The following AMACR variants were observed in gnomAD, a reference collection of about 807,000 sequenced individuals.
The protein encoded by AMACR is 2-methylacyl-CoA racemase.
AMACR carries 18 observed loss-of-function variants against 22.2 expected under a neutral mutation model. That is an observed-to-expected ratio of 0.81 (90% CI 0.56 to 1.20). The LOEUF (loss-of-function observed/expected upper bound fraction) is 1.20. Among genes scored for constraint, AMACR ranks in the 50% most tolerant of loss-of-function variants. The pLI is 0.00. For synonymous variants in AMACR, 213 were observed against 191.3 expected, an observed-to-expected ratio of 1.11 and a Z score of -0.94; for missense variants, 499 against 490.6, an observed-to-expected ratio of 1.02 and a Z score of -0.16.
chr5:33,994,906 T>C (rs1212342392), intron 4 of AMACR, among the ~76,000 whole-genome samples: 2 of 152,168 alleles, frequency 1.3e-5, no homozygotes, highest in African/African-American at 2.4e-5. Context: ...GGCTCATTCA[T>C]TGAGGTGAAG....
intron 2 of AMACR, 147 bp from the exon 3 acceptor site, chr5:34,004,881 TAGTC>T: frequency 2.1e-6 from 2 of 953,974 alleles, no homozygotes; most frequent in Non-Finnish European, 1.6e-6. Context: ...AATCTGAGCT[TAGTC>T]AGTAAACTCA....
Position 33,989,205 on chromosome 5 carries a change from A to G in AMACR, c.1037T>C (p.Ile346Thr), listed in dbSNP as rs756743141. Reference protein sequence around the residue: ...AIPSFKRDPFIGEHTEEILEE... With the variant: ...AIPSFKRDPFTGEHTEEILEE... Reference sequence around the variant, plus strand: ...AAGTATCTCCTCAGTGTGTTCTCCTATGAAAGGATCCCTTTTGAAAGAAGG... The same window carrying G: ...AAGTATCTCCTCAGTGTGTTCTCCTGTGAAAGGATCCCTTTTGAAAGAAGG... The change falls in exon 5 of 5, where the codon ATA becomes ACA. Residue 346 changes from isoleucine (I) to threonine (T), a missense_variant. Coordinates refer to ENST00000335606, the MANE Select transcript of AMACR (RefSeq NM_014324.6). 1 of 1,614,154 alleles carries G rather than the reference A, an allele frequency of 6.2e-7. No individual in the cohort carries two copies. The highest frequency in any genetic ancestry group is 1.1e-5 in the South Asian group (1 of 91,084).
At chr5:34,000,675 C>T (rs1274218825) in intron 3 of AMACR, among the ~76,000 whole-genome samples, 1 of 151,958 alleles carries the variant, frequency 6.6e-6, no homozygotes, top group Non-Finnish European at 1.5e-5. Flanking sequence ...TGCGTAAAAA[C>T]TATGGATATT....
Position 33,987,240 on chromosome 5 carries a change from C to A in AMACR, c.*1853G>T. On this transcript the variant is annotated 3_prime_UTR_variant, in exon 5 of 5. Transcript: ENST00000335606. ...CCAGCCAAGTTCCCCAGGCTGGTCT[C>A]GAACTCTTGGCCTCAAGTGATCCTC... 1 of 152,630 alleles carries A rather than the reference C, an allele frequency of 6.6e-6. No individual in the cohort carries two copies. The highest frequency in any genetic ancestry group is 1.9e-4 in the South Asian group (1 of 5,160). The allele number at this position is 152,630 out of a possible 1,614,324, so 9.5% of individuals were successfully genotyped here. A position where few individuals can be genotyped will look rare whatever the true frequency, so the allele number is the denominator to read the frequency against.
Position 34,007,661 on chromosome 5 carries a change from G to A in AMACR, c.247+112C>T, listed in dbSNP as rs1196601373. 4.3e-6 allele frequency: 6 copies of A among 1,395,550 alleles called. No individual in the cohort carries two copies. In the East Asian group the frequency reaches 7.8e-5, roughly 18 times the overall value. 86.4% of individuals were successfully genotyped at this position (1,395,550 alleles called of 1,614,324 possible). A position where few individuals can be genotyped will look rare whatever the true frequency, so the allele number is the denominator to read the frequency against. ...AAATCTGGAAGGCTGGGGCCGACAA[G>A]GGTTCTTGCGGCAACAGGGCAAAGG... On this transcript the variant is annotated intron_variant, in intron 1 of 4. Coordinates refer to ENST00000335606, the MANE Select transcript of AMACR (RefSeq NM_014324.6).
At chr5:34,004,205 T>A (rs760757103) in intron 3 of AMACR, among the ~76,000 whole-genome samples, 11 of 152,220 alleles carry the variant, frequency 7.2e-5, no homozygotes, top group African/African-American at 1.9e-4. Context: ...TTTTTTTGAA[T>A]GACGACTGCT....
intron 3 of AMACR, among the ~76,000 whole-genome samples, chr5:34,002,921 A>C (rs1374794581): frequency 1.3e-5 from 2 of 152,192 alleles, no homozygotes; most frequent in Non-Finnish European, 2.9e-5. Flanking sequence ...AGGGCTGGTC[A>C]TGATTCACCA....
chr5:34,007,512 G>A (rs1754020037), intron 1 of AMACR, among the ~76,000 whole-genome samples: 1 of 152,038 alleles, frequency 6.6e-6, no homozygotes, highest in African/African-American at 2.4e-5. Context: ...AGAAAAAAAA[G>A]GAGGAATTTG....
At position 33,988,099 on chromosome 5, in the gene AMACR, C is replaced by T. The variant is rs1753350438; in HGVS notation, c.*994G>A. The stretch of plus-strand genomic sequence containing the variant: ...CTACCCAACATCCATTCTCTACTCC[C>T]TCTACTCTGATGGCACCCGGATTAG... On this transcript the variant is annotated 3_prime_UTR_variant, in exon 5 of 5. Coordinates refer to ENST00000335606, the MANE Select transcript of AMACR (RefSeq NM_014324.6). The T allele has an allele frequency of 4.0e-6, 2 of 496,742 alleles. No individual in the cohort carries two copies. Among genetic ancestry groups the T allele is most frequent in the Admixed American group, 3.3e-5 (1 of 30,390 alleles). The allele number at this position is 496,742 out of a possible 1,614,324, so 30.8% of individuals were successfully genotyped here.
chr5:34,005,191 C>G (rs1220822809), intron 2 of AMACR, among the ~76,000 whole-genome samples: 4 of 152,200 alleles, frequency 2.6e-5, no homozygotes, highest in African/African-American at 9.7e-5. Context: ...CACAGAAAAT[C>G]TGAAATGTCC....
At chr5:33,998,203 C>T (rs1379881786) in intron 4 of AMACR, among the ~76,000 whole-genome samples, 1 of 152,198 alleles carries the variant, frequency 6.6e-6, no homozygotes, top group Non-Finnish European at 1.5e-5. Flanking sequence ...CTAACAGAAT[C>T]TCATTTGGCA....
Position 33,988,209 on chromosome 5 carries a change from C to A in AMACR, c.*884G>T. ...GGAGCAGGCTGGTTTTATGTAAAGA[C>A]AATCCCGTCTTCTTTGTCAAAGACA... On this transcript the variant is annotated 3_prime_UTR_variant, in exon 5 of 5. Transcript: ENST00000335606. 1.8e-6 allele frequency: 2 copies of A among 1,124,514 alleles called. No individual in the cohort carries two copies. Among genetic ancestry groups the A allele is most frequent in the Non-Finnish European group, 2.5e-6 (2 of 797,582 alleles). The allele number at this position is 1,124,514 out of a possible 1,614,324, so 69.7% of individuals were successfully genotyped here. A position where few individuals can be genotyped will look rare whatever the true frequency, so the allele number is the denominator to read the frequency against.
At position 33,988,382 on chromosome 5, in the gene AMACR, T is replaced by G. The variant is rs1307190078; in HGVS notation, c.*711A>C. On this transcript the variant is annotated 3_prime_UTR_variant, in exon 5 of 5. Coordinates refer to ENST00000335606, the MANE Select transcript of AMACR (RefSeq NM_014324.6). ...CCAGCCTGAGGAGAAATCAAACACA[T>G]GGAGAAAGGAAAGCTGACAGCCCAG... The G allele has an allele frequency of 6.5e-7, 1 of 1,538,310 alleles. No homozygotes were observed. The highest frequency in any genetic ancestry group is 8.7e-7 in the Non-Finnish European group (1 of 1,147,498).
At chr5:34,004,759 T>C (rs372260537) in intron 2 of AMACR, 25 bp from the exon 3 acceptor site, 20 of 1,610,690 alleles carry the variant, frequency 1.2e-5, no homozygotes, top group Non-Finnish European at 1.6e-5. Context: ...ACAAATTTAA[T>C]GTCTCTTTTA....
chr5:34,007,976 GC>G lies in AMACR; in HGVS notation c.43del (p.Ala15ProfsTer29), dbSNP rs972992645. On this transcript the variant is annotated frameshift_variant, in exon 1 of 5. Coordinates refer to ENST00000335606, the MANE Select transcript of AMACR (RefSeq NM_014324.6). LOFTEE classifies it high-confidence loss of function. ...GACCATAGCACAGAACGGGCCCGGG[GC>G]CAGGCCGGACAGCTCCACGACCGAG... The part of the protein sequence containing the change: ...GISVVELSGL[A>X]PGPFCAMVLA... The G allele has an allele frequency of 5.6e-6, 9 of 1,611,484 alleles. No individual in the cohort carries two copies. Among genetic ancestry groups the G allele is most frequent in the Non-Finnish European group, 6.8e-6 (8 of 1,179,654 alleles).
Position 33,988,626 on chromosome 5 carries a change from T to C in AMACR, c.*467A>G. Reference sequence around the variant, plus strand: ...AGTTTGGAATGTGCTTAGAGGGAGATCATGAACACCAAGACAAAAGGCCTG... The same window carrying C: ...AGTTTGGAATGTGCTTAGAGGGAGACCATGAACACCAAGACAAAAGGCCTG... On this transcript the variant is annotated 3_prime_UTR_variant, in exon 5 of 5. Transcript: ENST00000335606. The C allele has an allele frequency of 1.6e-6, 2 of 1,278,078 alleles. No homozygotes were observed. The highest frequency in any genetic ancestry group is 2.1e-5 in the South Asian group (1 of 46,624). 79.2% of individuals were successfully genotyped at this position (1,278,078 alleles called of 1,614,324 possible).
intron 3 of AMACR, among the ~76,000 whole-genome samples, chr5:34,000,745 A>G (rs1753791213): frequency 6.6e-6 from 1 of 152,240 alleles, no homozygotes; most frequent in Admixed American, 6.5e-5. Context: ...AAATACAGTA[A>G]TAAACTGAAT....
At position 33,987,962 on chromosome 5, in the gene AMACR, C is replaced by T. The variant is rs1443794917; in HGVS notation, c.*1131G>A. On this transcript the variant is annotated 3_prime_UTR_variant, in exon 5 of 5. Transcript: ENST00000335606. ...CTAAGGGAAACATGAACTAAGAAGC[C>T]CTTCTGAGTCTCTGTTTTCTCAACT... is the stretch of plus-strand genomic sequence containing the variant. The T allele has an allele frequency of 5.7e-6, 1 of 174,950 alleles. No homozygotes were observed. Among genetic ancestry groups the T allele is most frequent in the Non-Finnish European group, 1.2e-5 (1 of 83,634 alleles). The allele number at this position is 174,950 out of a possible 1,614,324, so 10.8% of individuals were successfully genotyped here.
Position 33,988,908 on chromosome 5 carries a change from G to A in AMACR, c.*185C>T. 1 of 1,423,566 alleles carries A rather than the reference G, an allele frequency of 7.0e-7. No homozygotes were observed. The highest frequency in any genetic ancestry group is 9.1e-7 in the Non-Finnish European group (1 of 1,094,740). The allele number at this position is 1,423,566 out of a possible 1,614,324, so 88.2% of individuals were successfully genotyped here. ...GTACCCAAAGTTTTATAAATCAAAA[G>A]CCCTAATGATAACCATTTTTAGAAT... is the stretch of plus-strand genomic sequence containing the variant. On this transcript the variant is annotated 3_prime_UTR_variant, in exon 5 of 5. Transcript: ENST00000335606.
Sources: allele counts gnomAD v4.1 joint callset (sites outside exome capture counted in the v4.1 genomes callset), GRCh38; gene constraint gnomAD v4.1.1; transcripts MANE v1.5; gene names NCBI Gene and HGNC (gene_info 2026-07-23, HGNC 2026-07-21).